Variants in CACNA1D observed in about 807,000 individuals in gnomAD.
CACNA1D encodes the protein voltage-dependent L-type calcium channel subunit alpha-1D.
A neutral mutation model predicts 257.1 loss-of-function variants in CACNA1D; 55 were observed. The observed-to-expected ratio is 0.21, with a 90% CI of 0.17 to 0.27. The LOEUF (loss-of-function observed/expected upper bound fraction) is 0.27, where lower values mean the gene tolerates loss of function less well. Among genes scored for constraint, CACNA1D ranks in the 10% least tolerant of loss-of-function variants. The pLI, the probability that CACNA1D is intolerant of heterozygous loss-of-function variation, is 1.00. For missense variants in CACNA1D, 1,876 were observed against 2,784.0 expected (o/e 0.67, Z 7.34); for synonymous variants, 980 against 1,014.9 (o/e 0.97, Z 0.65).
intron 39 of CACNA1D, among the ~76,000 whole-genome samples, chr3:53,783,603 T>C (rs1424147833): frequency 6.6e-6 from 1 of 152,202 alleles, no homozygotes; most frequent in African/African-American, 2.4e-5. Flanking sequence ...ATGTGCCCAG[T>C]GCAGGGCTTA....
Position 53,774,541 on chromosome 3 carries a change from G to A in CACNA1D, c.4111-46G>A, listed in dbSNP as rs1209900921. The A allele has an allele frequency of 1.2e-5, 14 of 1,154,648 alleles. No individual in the cohort carries two copies. The highest frequency in any genetic ancestry group is 1.6e-5 in the Non-Finnish European group (12 of 763,432). The allele number at this position is 1,154,648 out of a possible 1,614,324, so 71.5% of individuals were successfully genotyped here. On this transcript the variant is annotated intron_variant, in intron 33 of 47. Coordinates refer to ENST00000350061, the MANE Select transcript of CACNA1D (RefSeq NM_001128840.3). The surrounding 1 kb of genome is among the most constrained non-coding windows in gnomAD (Gnocchi z 4.3). ...CTAAATTCACATACGGATTTTTTTT[G>A]CATGACGAAATCTATTCTCTTTTTC... is the stretch of plus-strand genomic sequence containing the variant.
At chr3:53,623,744 C>T (rs547895368) in intron 3 of CACNA1D, among the ~76,000 whole-genome samples, 1 of 152,298 alleles carries the variant, frequency 6.6e-6, no homozygotes, top group South Asian at 2.1e-4. Context: ...CATTTGATCA[C>T]CTGGATACCT....
At chr3:53,773,088 G>T (rs1390380347) in intron 33 of CACNA1D, among the ~76,000 whole-genome samples, 190 bp downstream of exon 33, 1 of 152,242 alleles carries the variant, frequency 6.6e-6, no homozygotes, top group Non-Finnish European at 1.5e-5. Flanking sequence ...AGGCTCAGAT[G>T]AATGTGGAGA....
At chr3:53,730,584 G>A in intron 16 of CACNA1D, 28 bp downstream of exon 16, 1 of 1,512,540 alleles carries the variant, frequency 6.6e-7, no homozygotes, top group South Asian at 1.1e-5. Context: ...TGACGTGTTT[G>A]TCCAGGGGCT....
intron 25 of CACNA1D, among the ~76,000 whole-genome samples, chr3:53,746,911 G>T (rs2095174663): frequency 6.6e-6 from 1 of 152,216 alleles, no homozygotes; most frequent in Non-Finnish European, 1.5e-5. Flanking sequence ...AATGCAGGAA[G>T]AGTATACGTG....
chr3:53,751,833 G>T lies in CACNA1D; in HGVS notation c.3601G>T (p.Val1201Leu). The T allele has an allele frequency of 6.2e-7, 1 of 1,614,060 alleles. No homozygotes were observed. The highest frequency in any genetic ancestry group is 8.5e-7 in the Non-Finnish European group (1 of 1,179,984). The change falls in exon 28 of 48, where the codon GTG (valine) becomes TTG (leucine). Residue 1201 changes from valine (V) to leucine (L), a missense_variant. By Grantham distance (32) the Val-to-Leu change is conservative (BLOSUM62 1). This residue lies in a region of CACNA1D where 204 missense variants were observed against 309.4 expected (regional missense o/e 0.66). Coordinates refer to ENST00000350061, the MANE Select transcript of CACNA1D (RefSeq NM_001128840.3). The surrounding 1 kb of genome is among the most constrained non-coding windows in gnomAD (Gnocchi z 4.3). ...CCCCTACCAGTACAAGTTCTGGTAC[G>T]TGGTGAACTCTTCGCCTTTCGAATA... is the stretch of plus-strand genomic sequence containing the variant. Reference protein sequence around the residue: ...KNPYQYKFWYVVNSSPFEYMM... With the variant: ...KNPYQYKFWYLVNSSPFEYMM...
At chr3:53,767,289 G>T (rs1371026652) in intron 30 of CACNA1D, among the ~76,000 whole-genome samples, 2 of 152,154 alleles carry the variant, frequency 1.3e-5, no homozygotes, top group Admixed American at 6.5e-5. Flanking sequence ...TGGAGGTCTG[G>T]CGCAGTGGCT....
chr3:53,707,384 T>G (rs1026709205), intron 9 of CACNA1D, among the ~76,000 whole-genome samples: 2 of 152,128 alleles, frequency 1.3e-5, no homozygotes, highest in African/African-American at 4.8e-5. Flanking sequence ...TATCAGTGGC[T>G]GAATATCACA....
chr3:53,610,552 C>G (rs571429739), intron 3 of CACNA1D, among the ~76,000 whole-genome samples: 1 of 152,250 alleles, frequency 6.6e-6, no homozygotes, highest in East Asian at 1.9e-4. Flanking sequence ...TAAGGTACAC[C>G]TACCTTGGAA....
At chr3:53,726,561 G>A (rs944220257) in intron 14 of CACNA1D, among the ~76,000 whole-genome samples, 36 of 152,134 alleles carry the variant, frequency 2.4e-4, no homozygotes, top group Admixed American at 5.9e-4. Context: ...TGCTTGAACC[G>A]GGGAGGTGGA....
At chr3:53,731,234 C>A in intron 17 of CACNA1D, 88 bp downstream of exon 17, 1 of 863,940 alleles carries the variant, frequency 1.2e-6, no homozygotes, top group Non-Finnish European at 2.0e-6. Flanking sequence ...GTGGAAGTGT[C>A]TTGTGTATCA....
At chr3:53,779,159 A>G (rs2095413145) in intron 37 of CACNA1D, among the ~76,000 whole-genome samples, 1 of 152,080 alleles carries the variant, frequency 6.6e-6, no homozygotes, top group Non-Finnish European at 1.5e-5. Context: ...AACAAAAACA[A>G]TGTGCCTGGA....
chr3:53,618,310 C>T (rs904750979), intron 3 of CACNA1D, among the ~76,000 whole-genome samples: 1 of 152,176 alleles, frequency 6.6e-6, no homozygotes, highest in South Asian at 2.1e-4. Flanking sequence ...TAGCTGTCCT[C>T]AGATGGCCCA....
chr3:53,650,316 G>C (rs543963431), intron 3 of CACNA1D, among the ~76,000 whole-genome samples: 16 of 152,378 alleles, frequency 1.1e-4, no homozygotes, highest in Admixed American at 3.9e-4. Flanking sequence ...AAGAGGAAGA[G>C]AGGGTCAAAA....
intron 3 of CACNA1D, among the ~76,000 whole-genome samples, chr3:53,574,500 T>C (rs1274426514): frequency 6.6e-6 from 1 of 152,166 alleles, no homozygotes; most frequent in South Asian, 2.1e-4. Context: ...ATCAAAACCA[T>C]TGACTATGAA....
rs78219627 is a variant in CACNA1D at position 53,613,002 on chromosome 3, C to T, written c.484-37777C>T. ...TAAAGGTGATCATTTATAAACAGGC[C>T]GAAAAATGCAGTTCTGTAGGATTAA... On this transcript the variant is annotated intron_variant, in intron 3 of 47. Coordinates refer to ENST00000350061, the MANE Select transcript of CACNA1D (RefSeq NM_001128840.3). 4.1e-3 allele frequency among the ~76,000 whole-genome samples: 628 copies of T among 152,014 alleles called. 23 individuals carry two copies. The East Asian group carries it at 0.084, about 20-fold the overall frequency.
At chr3:53,727,971 A>G (rs924788771) in intron 15 of CACNA1D, among the ~76,000 whole-genome samples, 2 of 151,934 alleles carry the variant, frequency 1.3e-5, no homozygotes, top group Non-Finnish European at 2.9e-5. Context: ...CAACACATAT[A>G]CATCCTTGTA....
rs2109109812 is a variant in CACNA1D, at chr3:53,786,894, G to A, written c.4865G>A (p.Arg1622Gln). 1.2e-6 allele frequency: 2 copies of A among 1,613,898 alleles called. No homozygotes were observed. The highest frequency in any genetic ancestry group is 1.7e-6 in the Non-Finnish European group (2 of 1,179,812). Residue 1622 changes from arginine to glutamine, a missense_variant, in exon 40 of 48, where the codon CGG (arginine) becomes CAG (glutamine). Physicochemically the swap from Arg to Gln is conservative, Grantham distance 43 (BLOSUM62 1). Around this residue, in one of 10 missense-constraint regions of CACNA1D, gnomAD observed 160 missense variants for 236.6 expected, o/e 0.68. Transcript: ENST00000350061. ...GACTACTTTAGGAAATTCAAGAAAC[G>A]GAAAGAACAAGGACTGGTGGGAAAG... ...IQDYFRKFKK[R>Q]KEQGLVGKYP...
intron 11 of CACNA1D, 147 bp downstream of exon 11, chr3:53,719,928 C>A: frequency 2.4e-6 from 2 of 829,042 alleles, no homozygotes; most frequent in South Asian, 1.3e-5. Flanking sequence ...TCAATTGAAT[C>A]CTATGAGCCT....
Sources: gnomAD v4.1 joint callset for allele counts (sites outside exome capture counted in the v4.1 genomes callset) on GRCh38, gnomAD v4.1.1 for gene constraint, gnomAD v4.1.1 regional missense constraint, Gnocchi (gnomAD v3.1) non-coding constraint, MANE v1.5 for transcripts, NCBI Gene and HGNC (gene_info 2026-07-23, HGNC 2026-07-21) for gene names.